SLC35E4: variants seen among roughly 807,000 people sequenced by gnomAD.
The protein encoded by SLC35E4 is solute carrier family 35 member E4.
A neutral mutation model predicts 19.3 loss-of-function variants in SLC35E4; 15 were observed. The ratio of observed to expected loss-of-function variants is 0.78; its 90% CI spans 0.52 to 1.20. The LOEUF (loss-of-function observed/expected upper bound fraction) is 1.20, where lower values mean the gene tolerates loss of function less well. Ranked by LOEUF, SLC35E4 falls within the 50% of genes most tolerant of loss-of-function variation. SLC35E4 has a pLI of 0.00. For synonymous variants in SLC35E4, 219 were observed against 219.9 expected (o/e 1.00, Z 0.04); for missense variants, 406 against 472.3 (o/e 0.86, Z 1.30).
chr22:30,654,508 G>A, intron 2 of SLC35E4: 1 of 427,922 alleles, frequency 2.3e-6, no homozygotes. Context: ...ACACCTTGAG[G>A]CGGTCTTGGG....
At chr22:30,657,600 A>AT (rs1333027606) in intron 2 of SLC35E4, among the ~76,000 whole-genome samples, 1 of 151,874 alleles carries the variant, frequency 6.6e-6, no homozygotes, top group Non-Finnish European at 1.5e-5. Context: ...CTCTAAAAAA[A>AT]TTTTTTAAAG....
chr22:30,638,049 T>C (rs1341615460), intron 1 of SLC35E4, among the ~76,000 whole-genome samples: 2 of 152,128 alleles, frequency 1.3e-5, no homozygotes, highest in Non-Finnish European at 2.9e-5. Flanking sequence ...TTACAGATGA[T>C]GGGACTAAGA....
chr22:30,637,144 A>T (rs563606918), intron 1 of SLC35E4, 75 bp downstream of exon 1: 1 of 1,499,456 alleles, frequency 6.7e-7, no homozygotes, highest in African/African-American at 1.4e-5. Context: ...TGTGAGGGGT[A>T]TGGCTGTTGT....
At chr22:30,654,370 T>C in intron 2 of SLC35E4, 2 of 463,656 alleles carry the variant, frequency 4.3e-6, no homozygotes, top group Non-Finnish European at 8.6e-6. Context: ...TGTCTGGTAC[T>C]TCCAGCCAAC....
downstream of SLC35E4, chr22:30,664,916 G>A (rs1351112190): frequency 6.6e-6 from 1 of 152,558 alleles, no homozygotes; most frequent in Non-Finnish European, 1.5e-5. Flanking sequence ...GCAGAGCTGT[G>A]AAACACACCC....
chr22:30,641,357 A>G (rs542685652), intron 1 of SLC35E4, among the ~76,000 whole-genome samples: 1 of 152,138 alleles, frequency 6.6e-6, no homozygotes, highest in East Asian at 1.9e-4. Flanking sequence ...TGGGAGGTTG[A>G]GTCCTTGCTC....
At chr22:30,647,940 G>A (rs1402146948), downstream of SLC35E4, 1 of 152,144 alleles carries the variant, frequency 6.6e-6, no homozygotes, top group Non-Finnish European at 1.5e-5. Context: ...AGGGAGAGTG[G>A]TAGGCTTCCC....
At chr22:30,648,377 C>T (rs2088166445), downstream of SLC35E4, among the ~76,000 whole-genome samples, 2 of 152,140 alleles carry the variant, frequency 1.3e-5, no homozygotes, top group South Asian at 4.1e-4. Flanking sequence ...CCAGTCCCCG[C>T]TTCCTACAAC....
intron 1 of SLC35E4, among the ~76,000 whole-genome samples, chr22:30,641,010 A>C (rs1487012470): frequency 1.3e-5 from 2 of 152,144 alleles, no homozygotes; most frequent in African/African-American, 4.8e-5. Flanking sequence ...GTCAAAACCC[A>C]GTTCTATTTT....
chr22:30,657,126 C>G (rs1188506024), intron 2 of SLC35E4, among the ~76,000 whole-genome samples: 1 of 151,964 alleles, frequency 6.6e-6, no homozygotes, highest in African/African-American at 2.4e-5. Context: ...CCTTTTTCTA[C>G]GAATAAGCAT....
At chr22:30,662,102 G>C (rs1402141511) in exon 3 of SLC35E4, 1 of 149,194 alleles carries the variant, frequency 6.7e-6, no homozygotes, top group Non-Finnish European at 1.5e-5. Context: ...AAAGTGCTGT[G>C]CACAGAAAGG....
downstream of SLC35E4, chr22:30,664,094 G>A (rs2088570132): frequency 7.6e-7 from 1 of 1,314,628 alleles, no homozygotes; most frequent in Non-Finnish European, 1.0e-6. Flanking sequence ...CAGAGAGGGA[G>A]AGGATGTTTA....
chr22:30,663,779 A>AG (rs1249597980), downstream of SLC35E4: 1 of 1,614,208 alleles, frequency 6.2e-7, no homozygotes, highest in Non-Finnish European at 8.5e-7. Context: ...GACGTGAGTT[A>AG]GGGGAGTCAG....
chr22:30,650,695 TCA>T (rs2088194987), downstream of SLC35E4, among the ~76,000 whole-genome samples: 1 of 152,112 alleles, frequency 6.6e-6, no homozygotes, highest in South Asian at 2.1e-4. Flanking sequence ...TAGGAAGGCC[TCA>T]GTCTTATCAC....
At chr22:30,642,186 T>G (rs898592556) in intron 1 of SLC35E4, among the ~76,000 whole-genome samples, 2 of 151,614 alleles carry the variant, frequency 1.3e-5, no homozygotes, top group African/African-American at 4.8e-5. Flanking sequence ...ATTTTTGTAT[T>G]TTTTGTAGAA....
intron 2 of SLC35E4, among the ~76,000 whole-genome samples, chr22:30,653,632 C>T (rs932532004): frequency 1.3e-5 from 2 of 152,060 alleles, no homozygotes; most frequent in Non-Finnish European, 2.9e-5. Flanking sequence ...CCTCGGCCTC[C>T]CAAAGTGCTT....
At chr22:30,648,229 T>G (rs2088164778), downstream of SLC35E4, among the ~76,000 whole-genome samples, 1 of 152,102 alleles carries the variant, frequency 6.6e-6, no homozygotes, top group Non-Finnish European at 1.5e-5. Flanking sequence ...CCCAACTCAC[T>G]CAGGACGTGG....
At chr22:30,668,339 C>G (rs1049620018) in exon 3 of SLC35E4, 2 of 152,284 alleles carry the variant, frequency 1.3e-5, no homozygotes, top group Non-Finnish European at 2.9e-5. Flanking sequence ...TCGTTAGACT[C>G]TCGGACCCGC....
chr22:30,645,203 G>A (rs1451537575), intron 1 of SLC35E4, among the ~76,000 whole-genome samples: 1 of 152,176 alleles, frequency 6.6e-6, no homozygotes, highest in East Asian at 1.9e-4. Flanking sequence ...CTGCTGGCCT[G>A]CCCTTTCATG....
Sources: gnomAD v4.1 joint callset for allele counts (sites outside exome capture counted in the v4.1 genomes callset) on GRCh38, gnomAD v4.1.1 for gene constraint, MANE v1.5 for transcripts, NCBI Gene and HGNC (gene_info 2026-07-23, HGNC 2026-07-21) for gene names.